The following MFN2 variants were observed in gnomAD, a reference collection of about 807,000 sequenced individuals.
MFN2 encodes mitofusin 2, also known as mitofusin-2.
In MFN2, 43 loss-of-function variants were observed where a neutral mutation model predicts 87.5. The observed-to-expected ratio is 0.49, with a 90% confidence interval of 0.38 to 0.63. The LOEUF (loss-of-function observed/expected upper bound fraction) is 0.63. Ranked by LOEUF, MFN2 falls within the 30% of genes least tolerant of loss-of-function variation. The pLI, the probability that MFN2 is intolerant of heterozygous loss-of-function variation, is 0.00. For missense variants in MFN2, 743 were observed against 972.8 expected (o/e 0.76, Z 3.14); for synonymous variants, 337 against 359.9 (o/e 0.94, Z 0.72).
chr1:12,007,698 G>A (rs1010474439), intron 17 of MFN2, among the ~76,000 whole-genome samples: 7 of 152,064 alleles, frequency 4.6e-5, no homozygotes, highest in African/African-American at 7.2e-5. Context: ...CTTTGCTCTA[G>A]ACATTTTGCA....
chr1:11,989,483 C>A (rs1638581685), intron 3 of MFN2, 140 bp downstream of exon 3: 2 of 995,282 alleles, frequency 2.0e-6, no homozygotes, highest in South Asian at 1.6e-5. Flanking sequence ...CTCTTGAAAT[C>A]ATGTGGAATT....
chr1:12,011,467 A>T (rs146642584), intron 18 of MFN2, 29 bp from the exon 19 acceptor site: 2 of 1,613,726 alleles, frequency 1.2e-6, no homozygotes, highest in African/African-American at 2.7e-5. Context: ...ATCAGCTATC[A>T]TGGTTACAAA....
At position 11,996,725 on chromosome 1, in the gene MFN2, G is replaced by C. The variant is rs191516869; in HGVS notation, c.474+407G>C. On this transcript the variant is annotated intron_variant, in intron 5 of 18. Coordinates refer to ENST00000235329, the MANE Select transcript of MFN2 (RefSeq NM_014874.4). ...GCAGCTGCATTCTTGTTTGGGGCCA[G>C]ATGCTCAATTTGCTTCATAAAGAAT... Among the ~76,000 whole-genome samples the C allele has an allele frequency of 6.0e-4, 91 of 152,270 alleles. No homozygotes were observed. The East Asian group carries it at 0.014, about 24-fold the overall frequency.
chr1:11,991,045 G>A (rs901711450), intron 3 of MFN2, among the ~76,000 whole-genome samples: 8 of 152,338 alleles, frequency 5.3e-5, no homozygotes, highest in African/African-American at 2.4e-5. Flanking sequence ...CTAAACACCC[G>A]TCTGTGTTCC....
At chr1:11,983,187 C>T (rs1646017236) in intron 2 of MFN2, among the ~76,000 whole-genome samples, 1 of 152,166 alleles carries the variant, frequency 6.6e-6, no homozygotes, top group Non-Finnish European at 1.5e-5. Context: ...ATCCTCCTGC[C>T]TCAGCCTCCC....
intron 11 of MFN2, 32 bp downstream of exon 11, chr1:12,002,135 G>T: frequency 6.2e-7 from 1 of 1,613,052 alleles, no homozygotes; most frequent in South Asian, 1.1e-5. Context: ...TAGGTGGAGA[G>T]AGCTGCCGAG....
Position 12,009,729 on chromosome 1 carries a change from GAGGCTGGCCCGTGT to G in MFN2, c.2204+4_2204+17del. The stretch of plus-strand genomic sequence containing the variant: ...CAGAGCAAAGCAAAGCTGCTCAGGT[GAGGCTGGCCCGTGT>G]GGCCAAAGGTTAGGGCTCCAGGGTG... On this transcript the variant is annotated splice_donor_5th_base_variant and intron_variant, in intron 18 of 18. Transcript: ENST00000235329. The G allele has an allele frequency of 6.2e-7, 1 of 1,614,228 alleles. No homozygotes were observed. The highest frequency in any genetic ancestry group is 1.1e-5 in the South Asian group (1 of 91,090).
Position 12,007,131 on chromosome 1 carries a change from A to G in MFN2, c.1951A>G (p.Thr651Ala), listed in dbSNP as rs772756022. 3 of 1,614,128 alleles carry G rather than the reference A, an allele frequency of 1.9e-6. No individual in the cohort carries two copies. The Admixed American group carries it at 5.0e-5, about 27-fold the overall frequency. The change falls in exon 17 of 19, where the codon ACC becomes GCC. Residue 651 changes from threonine to alanine, a missense_variant. Transcript: ENST00000235329. Reference protein sequence around the residue: ...YGLLYVYERLTWTTKAKERAF... With the variant: ...YGLLYVYERLAWTTKAKERAF... ...CCTCCTCTACGTCTATGAGCGTCTG[A>G]CCTGGACCACCAAGGCCAAGGAGAG...
intron 2 of MFN2, among the ~76,000 whole-genome samples, chr1:11,988,084 T>TTGTGTG (rs112373136): frequency 2.2e-4 from 32 of 144,338 alleles, no homozygotes; most frequent in African/African-American, 6.8e-4. Context: ...CCAATAGTTT[T>TTGTGTG]TGTGTGTGTG....
At chr1:11,981,355 T>C (rs1212951651) in intron 1 of MFN2, among the ~76,000 whole-genome samples, 2 of 152,136 alleles carry the variant, frequency 1.3e-5, no homozygotes, top group Non-Finnish European at 2.9e-5. Context: ...AACCAAAAAC[T>C]AGCCGGGCTT....
chr1:11,987,578 C>T (rs916106219), intron 2 of MFN2, among the ~76,000 whole-genome samples: 1 of 140,486 alleles, frequency 7.1e-6, no homozygotes, highest in Non-Finnish European at 1.5e-5. Context: ...TGCAGTGAGC[C>T]GAGATCATGC....
In MFN2 at chr1:12,004,671, C is replaced by T; in HGVS notation, c.1392+58C>T. The T allele has an allele frequency of 6.4e-7, 1 of 1,562,716 alleles. No individual in the cohort carries two copies. The highest frequency in any genetic ancestry group is 8.8e-7 in the Non-Finnish European group (1 of 1,133,618). On this transcript the variant is annotated intron_variant, in intron 13 of 18. Coordinates refer to ENST00000235329, the MANE Select transcript of MFN2 (RefSeq NM_014874.4). This position sits in a 1 kb window ranked among gnomAD's most constrained non-coding sequence, Gnocchi z 4.2. ...GAGGCCCCCAAAAGTGATTCAACCCCTGTTGGTCTGGGTCAGGGCCCCCCA... is the reference window on the plus strand; with the variant it reads ...GAGGCCCCCAAAAGTGATTCAACCCTTGTTGGTCTGGGTCAGGGCCCCCCA...
intron 3 of MFN2, among the ~76,000 whole-genome samples, chr1:11,990,807 G>A (rs1638642580): frequency 6.6e-6 from 1 of 152,226 alleles, no homozygotes; most frequent in South Asian, 2.1e-4. Context: ...CAAAGGCCAT[G>A]CCCAGGTGCC....
chr1:11,999,070 C>T lies in MFN2; in HGVS notation c.791C>T (p.Ala264Val), dbSNP rs1569844072. 1 of 1,614,224 alleles carries T rather than the reference C, an allele frequency of 6.2e-7. No homozygotes were observed. The highest frequency in any genetic ancestry group is 8.5e-7 in the Non-Finnish European group (1 of 1,180,038). ...CTGAACAACCGCTGGGATGCATCTG[C>T]CTCAGAGCCCGAGTACATGGAGGAG... ...FILNNRWDASASEPEYMEEVR... is the reference protein window; with the variant it reads ...FILNNRWDASVSEPEYMEEVR... Residue 264 changes from alanine (A) to valine (V), a missense_variant, in exon 8 of 19, where the codon GCC becomes GTC. By Grantham distance (64) the Ala-to-Val change is moderately conservative (BLOSUM62 0). Coordinates refer to ENST00000235329, the MANE Select transcript of MFN2 (RefSeq NM_014874.4).
intron 18 of MFN2, among the ~76,000 whole-genome samples, chr1:12,010,047 G>A (rs1639622680): frequency 1.3e-5 from 2 of 152,154 alleles, no homozygotes; most frequent in African/African-American, 2.4e-5. Context: ...CCAGCCACTC[G>A]ACAGGCTGAG....
intron 11 of MFN2, among the ~76,000 whole-genome samples, chr1:12,002,490 C>G (rs1639221769): frequency 6.6e-6 from 1 of 152,238 alleles, no homozygotes; most frequent in Admixed American, 6.5e-5. Flanking sequence ...GGCCAGGAGT[C>G]CAGCCCAGAT....
In MFN2 at chr1:12,005,852, C is replaced by T. The variant is rs1639384323; in HGVS notation, c.1637C>T (p.Ser546Phe). 6.2e-7 allele frequency: 1 copy of T among 1,614,218 alleles called. No homozygotes were observed. The stretch of plus-strand genomic sequence containing the variant: ...CAGGAAGACATTGAGTTCCATTTCT[C>T]TCTCGGATGGACCATGCTGGTGAAT... ...DFQEDIEFHF[S>F]LGWTMLVNRF... The change falls in exon 15 of 19, where the codon TCT (serine) becomes TTT (phenylalanine). Residue 546 changes from serine (S) to phenylalanine (F), a missense_variant. Physicochemically the swap from Ser to Phe is radical, Grantham distance 155. Coordinates refer to ENST00000235329, the MANE Select transcript of MFN2 (RefSeq NM_014874.4).
At chr1:12,006,968 C>T in intron 16 of MFN2, 85 bp from the exon 17 acceptor site, 1 of 1,550,636 alleles carries the variant, frequency 6.4e-7, no homozygotes, top group East Asian at 2.2e-5. Context: ...GGCTGGGGCC[C>T]TTCAGATGGC....
chr1:12,000,480 G>C (rs1304700434), intron 8 of MFN2, among the ~76,000 whole-genome samples: 1 of 152,208 alleles, frequency 6.6e-6, no homozygotes, highest in African/African-American at 2.4e-5. Context: ...GTGAGCCACT[G>C]TGCCCGCTTG....
Sources: gnomAD v4.1 joint callset for allele counts (sites outside exome capture counted in the v4.1 genomes callset) on GRCh38, gnomAD v4.1.1 for gene constraint, Gnocchi (gnomAD v3.1) non-coding constraint, MANE v1.5 for transcripts, NCBI Gene and HGNC (gene_info 2026-07-23, HGNC 2026-07-21) for gene names.